CDK14: variants seen among roughly 807,000 people sequenced by gnomAD.
CDK14 encodes cyclin-dependent kinase 14.
A neutral mutation model predicts 60.7 loss-of-function variants in CDK14; 34 were observed. The observed-to-expected ratio is 0.56, with a 90% CI of 0.43 to 0.75. CDK14 has a LOEUF of 0.75. Among genes scored for constraint, CDK14 ranks in the 30% least tolerant of loss-of-function variants. The pLI is 0.00. For synonymous variants in CDK14, 197 were observed against 203.7 expected (o/e 0.97, Z 0.28); for missense variants, 482 against 564.1 (o/e 0.85, Z 1.47).
intron 11 of CDK14, among the ~76,000 whole-genome samples, chr7:91,076,836 A>G (rs917588869): frequency 6.6e-6 from 1 of 152,250 alleles, no homozygotes; most frequent in African/African-American, 2.4e-5. Flanking sequence ...AAGTGGGCAA[A>G]GGATACAAAC....
At chr7:91,015,137 C>T (rs957445493) in intron 10 of CDK14, among the ~76,000 whole-genome samples, 7 of 152,042 alleles carry the variant, frequency 4.6e-5, no homozygotes, top group African/African-American at 1.7e-4. Flanking sequence ...TATATGAAGT[C>T]CAGATACTTT....
chr7:91,030,521 T>A (rs1796731551), intron 10 of CDK14, among the ~76,000 whole-genome samples: 1 of 152,038 alleles, frequency 6.6e-6, no homozygotes. Flanking sequence ...TTCAGTATTC[T>A]CCACCTCTTC....
intron 4 of CDK14, among the ~76,000 whole-genome samples, chr7:90,780,035 T>A (rs1376517674): frequency 6.6e-6 from 1 of 152,202 alleles, no homozygotes; most frequent in Non-Finnish European, 1.5e-5. Flanking sequence ...GGATTTTCCT[T>A]ATTGTTTCCT....
chr7:91,031,802 A>T (rs1188166366), intron 10 of CDK14, among the ~76,000 whole-genome samples: 1 of 152,252 alleles, frequency 6.6e-6, no homozygotes, highest in Non-Finnish European at 1.5e-5. Context: ...CTTGGTTTTC[A>T]TAGGAAATAT....
chr7:91,075,188 A>T (rs1013190422), intron 11 of CDK14, among the ~76,000 whole-genome samples: 1 of 152,230 alleles, frequency 6.6e-6, no homozygotes, highest in African/African-American at 2.4e-5. Flanking sequence ...AACACACACA[A>T]AAAAGCAAAC....
At chr7:91,052,879 T>A (rs1797430643) in intron 11 of CDK14, among the ~76,000 whole-genome samples, 1 of 152,172 alleles carries the variant, frequency 6.6e-6, no homozygotes, top group African/African-American at 2.4e-5. Flanking sequence ...AATTTGCCAT[T>A]GGAGGCAATT....
intron 9 of CDK14, among the ~76,000 whole-genome samples, chr7:90,971,671 A>AG: frequency 6.7e-6 from 1 of 150,012 alleles, no homozygotes; most frequent in African/African-American, 2.4e-5. Flanking sequence ...AAAAAAAAAA[A>AG]GGCAAAAGAT....
intron 7 of CDK14, among the ~76,000 whole-genome samples, chr7:90,900,992 C>T (rs571198031): frequency 3.9e-5 from 6 of 152,284 alleles, no homozygotes; most frequent in African/African-American, 1.2e-4. Context: ...TTTTACTATA[C>T]GTTCTGCTTC....
intron 14 of CDK14, among the ~76,000 whole-genome samples, chr7:91,134,045 G>A (rs1214030519): frequency 2.6e-5 from 4 of 152,238 alleles, no homozygotes; most frequent in Admixed American, 2.0e-4. Flanking sequence ...GAGTCCTGTC[G>A]GCATAAGAAT....
intron 4 of CDK14, among the ~76,000 whole-genome samples, chr7:90,767,488 A>G (rs1804612762): frequency 6.6e-6 from 1 of 152,004 alleles, no homozygotes; most frequent in South Asian, 2.1e-4. Flanking sequence ...CACCTAAGTG[A>G]TTTGTGAGTT....
At chr7:91,099,204 C>T (rs991495977) in intron 12 of CDK14, among the ~76,000 whole-genome samples, 6 of 152,012 alleles carry the variant, frequency 3.9e-5, no homozygotes, top group African/African-American at 4.8e-5. Context: ...AATGCAGATG[C>T]GCCAATAAGT....
intron 14 of CDK14, among the ~76,000 whole-genome samples, chr7:91,132,758 A>G (rs1393705582): frequency 6.6e-6 from 1 of 152,078 alleles, no homozygotes; most frequent in East Asian, 1.9e-4. Flanking sequence ...AAATTTCAGG[A>G]TGATAAAGGG....
At chr7:91,004,962 G>A (rs79879699) in intron 10 of CDK14, among the ~76,000 whole-genome samples, 7,224 of 152,266 alleles carry the variant, frequency 0.047, 185 homozygotes, top group South Asian at 0.077. Context: ...AGAAACCAGC[G>A]TGGAAAGGCT....
At chr7:90,854,605 A>T (rs1251738027) in intron 5 of CDK14, among the ~76,000 whole-genome samples, 2 of 152,088 alleles carry the variant, frequency 1.3e-5, no homozygotes, top group African/African-American at 4.8e-5. Context: ...ATGAATGGTT[A>T]TTCTTCTTAA....
At chr7:91,159,662 A>G (rs1801105563) in intron 14 of CDK14, among the ~76,000 whole-genome samples, 3 of 152,168 alleles carry the variant, frequency 2.0e-5, no homozygotes, top group Admixed American at 6.5e-5. Flanking sequence ...AGTAATCTCA[A>G]TGAGCCGGGG....
At chr7:90,709,886 T>A (rs1801999104) in intron 2 of CDK14, 1 of 1,310,682 alleles carries the variant, frequency 7.6e-7, no homozygotes. Context: ...CCTGGCCTGG[T>A]GCAAACACAT....
rs149162328 is a variant in CDK14 at position 90,812,475 on chromosome 7, G to A, written c.544+21823G>A. Among the ~76,000 whole-genome samples, 748 of 152,238 alleles carry A rather than the reference G, an allele frequency of 4.9e-3. 3 individuals carry two copies. The highest frequency in any genetic ancestry group is 0.016 in the African/African-American group (675 of 41,524). ...CACACTGGGGCCTGTTGTGGGGTTG[G>A]GGAAGGGGGGACGGATTGCATTAGG... On this transcript the variant is annotated intron_variant, in intron 5 of 14. Coordinates refer to ENST00000380050, the MANE Select transcript of CDK14 (RefSeq NM_001287135.2).
At chr7:91,081,331 G>A (rs999727856) in intron 12 of CDK14, among the ~76,000 whole-genome samples, 2 of 152,136 alleles carry the variant, frequency 1.3e-5, no homozygotes, top group African/African-American at 2.4e-5. Flanking sequence ...AGACTATTAC[G>A]CGAGTGATGG....
At chr7:91,200,283 G>A (rs1181136929) in intron 14 of CDK14, among the ~76,000 whole-genome samples, 1 of 152,146 alleles carries the variant, frequency 6.6e-6, no homozygotes, top group Non-Finnish European at 1.5e-5. Context: ...ATATGTGTGT[G>A]TATACATGTA....
Sources: gnomAD v4.1 joint callset for allele counts (sites outside exome capture counted in the v4.1 genomes callset) on GRCh38, gnomAD v4.1.1 for gene constraint, MANE v1.5 for transcripts, NCBI Gene and HGNC (gene_info 2026-07-23, HGNC 2026-07-21) for gene names.